The following PLSCR2 variants were observed in gnomAD, a reference collection of about 807,000 sequenced individuals.
PLSCR2 encodes the protein phospholipid scramblase 2.
PLSCR2 carries 18 observed loss-of-function variants against 25.3 expected under a neutral mutation model. The ratio of observed to expected loss-of-function variants is 0.71; its 90% CI spans 0.49 to 1.06. The LOEUF (loss-of-function observed/expected upper bound fraction) is 1.06, where lower values mean the gene tolerates loss of function less well. Among genes scored for constraint, PLSCR2 ranks in the 50% least tolerant of loss-of-function variants. The pLI, the probability that PLSCR2 is intolerant of heterozygous loss-of-function variation, is 0.00. For synonymous variants in PLSCR2, 88 were observed against 87.3 expected, an observed-to-expected ratio of 1.01 and a Z score of -0.04; for missense variants, 243 against 269.5, an observed-to-expected ratio of 0.90 and a Z score of 0.69.
intron 1 of PLSCR2, among the ~76,000 whole-genome samples, chr3:146,483,509 A>ATACATGTGTATAT (rs1553791539): frequency 7.9e-6 from 1 of 127,070 alleles, no homozygotes; most frequent in African/African-American, 3.1e-5. Context: ...ATATATATAT[A>ATACATGTGTATAT]ATGTTACTAC....
chr3:146,432,983 G>T (rs541514131), downstream of PLSCR2, among the ~76,000 whole-genome samples: 1 of 151,922 alleles, frequency 6.6e-6, no homozygotes, highest in Non-Finnish European at 1.5e-5. Flanking sequence ...TCTCCTTCTG[G>T]AATTCTTATT....
At chr3:146,460,276 G>T in exon 1 of PLSCR2, 1 of 1,312,988 alleles carries the variant, frequency 7.6e-7, no homozygotes, top group Non-Finnish European at 9.8e-7. Context: ...CTATTTTGAG[G>T]GTGGTTCACT....
At chr3:146,426,977 TATAATA>T (rs1480940750) in intron 2 of PLSCR2, among the ~76,000 whole-genome samples, 1 of 152,172 alleles carries the variant, frequency 6.6e-6, no homozygotes, top group East Asian at 1.9e-4. Context: ...AAATAAATGA[TATAATA>T]ATAATAGTAG....
At chr3:146,494,629 T>C (rs1370292033) in intron 1 of PLSCR2, 1 of 152,194 alleles carries the variant, frequency 6.6e-6, no homozygotes, top group Non-Finnish European at 1.5e-5. Flanking sequence ...GATAAAGTAA[T>C]ATATTGCTGT....
chr3:146,441,908 A>T, intron 6 of PLSCR2, 87 bp from the exon 7 acceptor site: 1 of 798,286 alleles, frequency 1.3e-6, no homozygotes, highest in Non-Finnish European at 2.1e-6. Flanking sequence ...GATGAAACAC[A>T]GTTAATTGTC....
At chr3:146,453,499 A>C (rs2041017465) in intron 5 of PLSCR2, among the ~76,000 whole-genome samples, 1 of 152,130 alleles carries the variant, frequency 6.6e-6, no homozygotes, top group Non-Finnish European at 1.5e-5. Context: ...ACAGGGTTAA[A>C]GAAGAGACCA....
chr3:146,451,237 C>T (rs2040878850), intron 5 of PLSCR2, among the ~76,000 whole-genome samples: 2 of 150,946 alleles, frequency 1.3e-5, no homozygotes, highest in Non-Finnish European at 2.9e-5. Flanking sequence ...GCCTTAGCTT[C>T]CCGAGTAGCT....
intron 2 of PLSCR2, among the ~76,000 whole-genome samples, chr3:146,423,237 CT>C (rs1168701365): frequency 6.7e-5 from 3 of 44,628 alleles, no homozygotes; most frequent in Non-Finnish European, 1.4e-4. Context: ...TGCAGTGCCT[CT>C]CTCTCTCTCT....
At chr3:146,424,102 C>A (rs937591162) in intron 2 of PLSCR2, among the ~76,000 whole-genome samples, 1 of 149,810 alleles carries the variant, frequency 6.7e-6, no homozygotes, top group Non-Finnish European at 1.5e-5. Flanking sequence ...ACTGCACATT[C>A]TGCACGTGTA....
At chr3:146,495,862 G>T in intron 1 of PLSCR2, 1 of 1,511,432 alleles carries the variant, frequency 6.6e-7, no homozygotes, top group Non-Finnish European at 8.9e-7. Context: ...TTTGAAGCAC[G>T]TTAGTCTCTG....
intron 3 of PLSCR2, 57 bp downstream of exon 3, chr3:146,458,354 T>G: frequency 7.2e-7 from 1 of 1,389,918 alleles, no homozygotes; most frequent in Middle Eastern, 1.9e-4. Context: ...TGATGTATCT[T>G]TATTTGCATA....
chr3:146,435,167 A>G (rs1285809301), intron 8 of PLSCR2, among the ~76,000 whole-genome samples: 2 of 151,976 alleles, frequency 1.3e-5, no homozygotes, highest in East Asian at 3.9e-4. Context: ...AATCCAGTCT[A>G]TCATTGATGG....
At chr3:146,433,437 A>C (rs1221152905) in exon 9 of PLSCR2, 1 of 152,156 alleles carries the variant, frequency 6.6e-6, no homozygotes. Flanking sequence ...TTTTCCTTAC[A>C]TCTTCCTTGC....
chr3:146,489,641 G>A (rs1024051028), intron 1 of PLSCR2, among the ~76,000 whole-genome samples: 3 of 152,042 alleles, frequency 2.0e-5, no homozygotes, highest in South Asian at 2.1e-4. Context: ...CTGGAGGTCC[G>A]AAGTCTTAAA....
intron 1 of PLSCR2, among the ~76,000 whole-genome samples, chr3:146,491,722 G>A (rs1214279442): frequency 6.6e-6 from 1 of 152,038 alleles, no homozygotes; most frequent in Non-Finnish European, 1.5e-5. Flanking sequence ...TCCTTAAAAT[G>A]ACTATGCCAC....
chr3:146,423,109 T>C (rs2039205622), intron 2 of PLSCR2, among the ~76,000 whole-genome samples: 1 of 152,198 alleles, frequency 6.6e-6, no homozygotes, highest in Non-Finnish European at 1.5e-5. Context: ...TATTCAGCTG[T>C]GACTGAGACC....
At chr3:146,432,806 T>C (rs143049225), downstream of PLSCR2, among the ~76,000 whole-genome samples, 1,957 of 152,296 alleles carry the variant, frequency 0.013, 45 homozygotes, top group African/African-American at 0.045. Context: ...AAGTCTTCCA[T>C]ATACTAGCCA....
At chr3:146,409,381 G>A (rs1480444955) in intron 2 of PLSCR2, among the ~76,000 whole-genome samples, 1 of 151,926 alleles carries the variant, frequency 6.6e-6, no homozygotes, top group African/African-American at 2.4e-5. Context: ...GGCAGTACAG[G>A]GGGAGCGAGC....
intron 1 of PLSCR2, among the ~76,000 whole-genome samples, chr3:146,479,953 C>T (rs953443456): frequency 6.6e-6 from 1 of 152,166 alleles, no homozygotes; most frequent in Non-Finnish European, 1.5e-5. Flanking sequence ...CACACAACTA[C>T]ATGGAAACTG....
Sources: allele counts gnomAD v4.1 joint callset (sites outside exome capture counted in the v4.1 genomes callset), GRCh38; gene constraint gnomAD v4.1.1; transcripts MANE v1.5; gene names NCBI Gene and HGNC (gene_info 2026-07-23, HGNC 2026-07-21).